GTF2I: variants seen among roughly 807,000 people sequenced by gnomAD.
GTF2I encodes general transcription factor IIi.
GTF2I carries 12 observed loss-of-function variants against 67.6 expected under a neutral mutation model. The observed-to-expected ratio is 0.18, with a 90% confidence interval of 0.11 to 0.29. GTF2I has a LOEUF of 0.29. GTF2I is among the 10% of genes least tolerant of loss of function. The pLI, the probability that GTF2I is intolerant of heterozygous loss-of-function variation, is 1.00. For missense variants in GTF2I, 271 were observed against 580.1 expected, an observed-to-expected ratio of 0.47 and a Z score of 5.47; for synonymous variants, 149 against 197.0, an observed-to-expected ratio of 0.76 and a Z score of 2.04.
At chr7:74,698,919 CTTATTA>C in intron 3 of GTF2I, 36 bp from the exon 4 acceptor site, 1 of 1,042,350 alleles carries the variant, frequency 9.6e-7, no homozygotes, top group Non-Finnish European at 1.3e-6. Flanking sequence ...GGATATGGAC[CTTATTA>C]TTATTTTTTT....
intron 14 of GTF2I, among the ~76,000 whole-genome samples, chr7:74,731,170 TA>T (rs1234960339): frequency 2.0e-5 from 3 of 150,996 alleles, no homozygotes; most frequent in African/African-American, 7.3e-5. Context: ...TGATTTAAAA[TA>T]AAAATCATTT....
At chr7:74,721,517 T>C (rs868992623) in intron 12 of GTF2I, among the ~76,000 whole-genome samples, 7 of 152,080 alleles carry the variant, frequency 4.6e-5, no homozygotes, top group Admixed American at 6.5e-5. Context: ...TATGTGCATA[T>C]ACACACACAC....
intron 12 of GTF2I, among the ~76,000 whole-genome samples, chr7:74,722,355 C>T (rs150137831): frequency 1.4e-3 from 213 of 152,280 alleles, no homozygotes; most frequent in Non-Finnish European, 2.4e-3. Context: ...TTTTCGTAAA[C>T]ACCGTGACTA....
At chr7:74,667,029 C>G (rs1205390066) in intron 1 of GTF2I, among the ~76,000 whole-genome samples, 2 of 152,002 alleles carry the variant, frequency 1.3e-5, no homozygotes, top group Non-Finnish European at 2.9e-5. Context: ...CCTGTAATCC[C>G]AGACACTCGG....
intron 3 of GTF2I, among the ~76,000 whole-genome samples, chr7:74,696,094 C>T (rs1212108765): frequency 9.2e-5 from 14 of 151,598 alleles, no homozygotes; most frequent in Non-Finnish European, 1.3e-4. Flanking sequence ...CAGGTTCAAG[C>T]GATTCTTCTG....
At chr7:74,737,085 C>T (rs1329566901) in intron 18 of GTF2I, among the ~76,000 whole-genome samples, 11 of 148,448 alleles carry the variant, frequency 7.4e-5, no homozygotes, top group African/African-American at 2.2e-4. Context: ...CCCAGCTACT[C>T]GGGAGGCTGA....
chr7:74,711,735 G>A (rs1459747536), intron 9 of GTF2I, among the ~76,000 whole-genome samples: 1 of 152,152 alleles, frequency 6.6e-6, no homozygotes, highest in Non-Finnish European at 1.5e-5. Flanking sequence ...CATTTCAAAT[G>A]ATTGTTTTGA....
At chr7:74,681,080 C>G (rs782011654) in intron 1 of GTF2I, among the ~76,000 whole-genome samples, 2 of 152,082 alleles carry the variant, frequency 1.3e-5, no homozygotes, top group Non-Finnish European at 2.9e-5. Flanking sequence ...GAATTAAAAT[C>G]AAATCAGGGA....
chr7:74,676,449 T>A (rs912260824), intron 1 of GTF2I, among the ~76,000 whole-genome samples: 2 of 152,028 alleles, frequency 1.3e-5, no homozygotes, highest in Non-Finnish European at 2.9e-5. Flanking sequence ...GAGACCCTTA[T>A]CTGAAAAACA....
At chr7:74,728,486 T>G (rs1554406163) in intron 12 of GTF2I, among the ~76,000 whole-genome samples, 1 of 124,210 alleles carries the variant, frequency 8.1e-6, no homozygotes. Flanking sequence ...ACAATATAGT[T>G]CTTGGCAATT....
rs1269906149 is a variant in GTF2I, at chr7:74,734,422, T to A, written c.1363+441T>A. Among the ~76,000 whole-genome samples the A allele has an allele frequency of 3.3e-5, 5 of 150,496 alleles. No homozygotes were observed. In the Admixed American group the frequency reaches 3.3e-4, roughly 10 times the overall value. On this transcript the variant is annotated intron_variant, in intron 16 of 34. Transcript: ENST00000573035. ...CTTAATTGTTAGATGTATTTTGTTTTGTTTTGTTTTGTTTTTTGAGAGGGA... is the reference window on the plus strand; with the variant it reads ...CTTAATTGTTAGATGTATTTTGTTTAGTTTTGTTTTGTTTTTTGAGAGGGA...
intron 1 of GTF2I, among the ~76,000 whole-genome samples, chr7:74,677,598 A>G (rs952399924): frequency 6.6e-6 from 1 of 151,842 alleles, no homozygotes; most frequent in African/African-American, 2.4e-5. Flanking sequence ...CCTGGCCAAC[A>G]TGCTGAAACC....
At chr7:74,661,310 C>T (rs1392279901) in intron 1 of GTF2I, among the ~76,000 whole-genome samples, 2 of 152,106 alleles carry the variant, frequency 1.3e-5, no homozygotes, top group Admixed American at 1.3e-4. Context: ...CCCGGACAGC[C>T]CTTTGAGAAC....
chr7:74,705,241 C>T, intron 7 of GTF2I, 23 bp downstream of exon 7: 2 of 1,417,072 alleles, frequency 1.4e-6, no homozygotes, highest in Non-Finnish European at 2.0e-6. Context: ...TTCATTACTG[C>T]TGTTTAACTC....
At chr7:74,720,741 ATTTTT>A (rs35442354) in intron 12 of GTF2I, among the ~76,000 whole-genome samples, 1 of 132,372 alleles carries the variant, frequency 7.6e-6, no homozygotes, top group Non-Finnish European at 1.6e-5. Flanking sequence ...TAGAAGCTGT[ATTTTT>A]TTTTTTTTTT....
In GTF2I at chr7:74,681,515, T is replaced by C. The variant is rs587627325; in HGVS notation, c.-5-7609T>C. Among the ~76,000 whole-genome samples the C allele has an allele frequency of 8.5e-5, 13 of 152,336 alleles. No individual in the cohort carries two copies. In the Middle Eastern group the frequency reaches 0.01, roughly 120 times the overall value. ...TCACATAGCTGTTATTTTTTGTGTG[T>C]CTGTTTAATCACAGTATATCCCGTG... On this transcript the variant is annotated intron_variant, in intron 1 of 34. Transcript: ENST00000573035.
At chr7:74,695,797 T>G (rs1388723891) in intron 3 of GTF2I, among the ~76,000 whole-genome samples, 1 of 152,088 alleles carries the variant, frequency 6.6e-6, no homozygotes. Flanking sequence ...TAATGCTGTT[T>G]TGATTGTGTG....
At chr7:74,689,758 C>T (rs1333027943) in intron 2 of GTF2I, among the ~76,000 whole-genome samples, 16 of 152,026 alleles carry the variant, frequency 1.1e-4, no homozygotes, top group Admixed American at 9.8e-4. Flanking sequence ...TCTTGTTGCC[C>T]AGGCTGGGGT....
intron 1 of GTF2I, among the ~76,000 whole-genome samples, chr7:74,663,361 C>T (rs1340487571): frequency 6.6e-6 from 1 of 152,154 alleles, no homozygotes; most frequent in Non-Finnish European, 1.5e-5. Flanking sequence ...TCTCAGCTCT[C>T]TGCAACCTCC....
Sources: allele counts gnomAD v4.1 joint callset (sites outside exome capture counted in the v4.1 genomes callset), GRCh38; gene constraint gnomAD v4.1.1; transcripts MANE v1.5; gene names NCBI Gene and HGNC (gene_info 2026-07-23, HGNC 2026-07-21).